The following FRMD4A variants were observed in gnomAD, a reference collection of about 807,000 sequenced individuals.
The protein encoded by FRMD4A is FERM domain containing 4A.
A neutral mutation model predicts 129.1 loss-of-function variants in FRMD4A; 29 were observed. That is an observed-to-expected ratio of 0.22 (90% confidence interval 0.17 to 0.31). The LOEUF (loss-of-function observed/expected upper bound fraction) is 0.31. Ranked by LOEUF, FRMD4A falls within the 10% of genes least tolerant of loss-of-function variation. The probability of loss-of-function intolerance (pLI) is 1.00; values close to 1 mark genes in which losing one functional copy is unlikely to be tolerated. For synonymous variants in FRMD4A, 634 were observed against 571.6 expected, an observed-to-expected ratio of 1.11 and a Z score of -1.56; for missense variants, 1,272 against 1,375.8, an observed-to-expected ratio of 0.92 and a Z score of 1.19.
At chr10:14,068,854 T>TTC (rs1471187816) in intron 2 of FRMD4A, among the ~76,000 whole-genome samples, 1 of 151,580 alleles carries the variant, frequency 6.6e-6, no homozygotes, top group Non-Finnish European at 1.5e-5. Context: ...AGTGAGTTCA[T>TTC]TCTCTCTCTC....
intron 2 of FRMD4A, among the ~76,000 whole-genome samples, chr10:13,926,796 A>G (rs1413813566): frequency 6.6e-6 from 1 of 152,224 alleles, no homozygotes; most frequent in African/African-American, 2.4e-5. Context: ...CAAGACGCCT[A>G]AAAGACCCAC....
intron 17 of FRMD4A, among the ~76,000 whole-genome samples, chr10:13,669,397 C>G (rs2083332983): frequency 6.6e-6 from 1 of 152,190 alleles, no homozygotes; most frequent in Non-Finnish European, 1.5e-5. Context: ...AATTGAAGCA[C>G]ATTGGTGTGT....
intron 2 of FRMD4A, among the ~76,000 whole-genome samples, chr10:14,182,681 G>A (rs1374297692): frequency 6.6e-6 from 1 of 152,182 alleles, no homozygotes; most frequent in East Asian, 1.9e-4. Flanking sequence ...CTTCAAGGTG[G>A]ACACATATGC....
chr10:14,162,650 T>TG (rs1564352709), intron 2 of FRMD4A, among the ~76,000 whole-genome samples: 3 of 150,982 alleles, frequency 2.0e-5, no homozygotes, highest in Admixed American at 1.3e-4. Context: ...TGTTTTTTTT[T>TG]TTTTTTTTTG....
chr10:14,313,532 T>A (rs1429437315), intron 2 of FRMD4A, among the ~76,000 whole-genome samples: 1 of 152,238 alleles, frequency 6.6e-6, no homozygotes, highest in African/African-American at 2.4e-5. Flanking sequence ...ACTGAAATTA[T>A]AATGCTTACG....
At chr10:13,748,904 T>A (rs1381747713) in intron 8 of FRMD4A, among the ~76,000 whole-genome samples, 1 of 152,176 alleles carries the variant, frequency 6.6e-6, no homozygotes, top group East Asian at 1.9e-4. Context: ...TTAGGCAGTT[T>A]TATGCATCCG....
chr10:13,685,986 C>T (rs1267553659), intron 15 of FRMD4A, among the ~76,000 whole-genome samples: 2 of 152,230 alleles, frequency 1.3e-5, no homozygotes, highest in African/African-American at 4.8e-5. Context: ...CTCTGTCTCC[C>T]TCTCAATTTT....
intron 2 of FRMD4A, among the ~76,000 whole-genome samples, chr10:13,883,304 A>G (rs548967806): frequency 2.6e-5 from 4 of 152,100 alleles, no homozygotes; most frequent in African/African-American, 7.2e-5. Context: ...AGCCTGGCCA[A>G]CATGCTGAAA....
chr10:13,669,593 C>G (rs1479660141), intron 17 of FRMD4A, among the ~76,000 whole-genome samples: 1 of 152,224 alleles, frequency 6.6e-6, no homozygotes, highest in African/African-American at 2.4e-5. Context: ...TCCCCTGGCT[C>G]TAAGTCCTGA....
intron 2 of FRMD4A, among the ~76,000 whole-genome samples, chr10:13,915,704 T>G (rs1329034264): frequency 6.7e-6 from 1 of 148,286 alleles, no homozygotes; most frequent in East Asian, 2.0e-4. Context: ...GATTTTGTGG[T>G]GACTGCACAA....
chr10:14,326,186 C>CT (rs771967033), intron 2 of FRMD4A: 1 of 152,084 alleles, frequency 6.6e-6, no homozygotes, highest in Non-Finnish European at 1.5e-5. Flanking sequence ...TGTGGTATCC[C>CT]TTTTTTATTT....
intron 8 of FRMD4A, among the ~76,000 whole-genome samples, chr10:13,761,434 C>T (rs17153946): frequency 1.3e-5 from 2 of 152,190 alleles, no homozygotes. Context: ...AATCTCCGGG[C>T]TTTGCATGTA....
intron 2 of FRMD4A, among the ~76,000 whole-genome samples, chr10:14,186,078 T>A (rs945237254): frequency 6.7e-6 from 1 of 149,958 alleles, no homozygotes; most frequent in Non-Finnish European, 1.5e-5. Context: ...GAAACCATCG[T>A]CCAAAGAGAC....
chr10:14,009,508 A>C (rs2095673711), intron 2 of FRMD4A, among the ~76,000 whole-genome samples: 1 of 152,192 alleles, frequency 6.6e-6, no homozygotes, highest in Non-Finnish European at 1.5e-5. Flanking sequence ...ATTGAAAATG[A>C]CGGAAATGAA....
At chr10:13,983,213 A>C (rs2095568460) in intron 2 of FRMD4A, among the ~76,000 whole-genome samples, 1 of 152,132 alleles carries the variant, frequency 6.6e-6, no homozygotes, top group Admixed American at 6.5e-5. Flanking sequence ...GTCCCATATA[A>C]GTGAAATATT....
At chr10:13,977,115 C>T (rs1191233295) in intron 2 of FRMD4A, among the ~76,000 whole-genome samples, 1 of 152,156 alleles carries the variant, frequency 6.6e-6, no homozygotes, top group Non-Finnish European at 1.5e-5. Context: ...ATAAATAAAT[C>T]CACAAGAGTG....
At chr10:14,220,168 T>C (rs956419271) in intron 2 of FRMD4A, among the ~76,000 whole-genome samples, 2 of 152,150 alleles carry the variant, frequency 1.3e-5, no homozygotes, top group Non-Finnish European at 2.9e-5. Context: ...ATGACGAAAC[T>C]GTTCAGCACT....
At chr10:14,099,544 C>A (rs76226749) in intron 2 of FRMD4A, among the ~76,000 whole-genome samples, 1 of 152,092 alleles carries the variant, frequency 6.6e-6, no homozygotes, top group Non-Finnish European at 1.5e-5. Flanking sequence ...AACTCCTATA[C>A]GAAAGTTGGC....
Position 14,146,074 on chromosome 10 carries a change from A to T in FRMD4A, c.45+183984T>A, listed in dbSNP as rs886488774. Among the ~76,000 whole-genome samples the T allele has an allele frequency of 4.0e-4, 61 of 152,212 alleles. 4 individuals carry two copies. The highest frequency in any genetic ancestry group is 2.9e-5 in the Non-Finnish European group (2 of 68,044). On this transcript the variant is annotated intron_variant, in intron 2 of 24. Coordinates refer to ENST00000357447, the MANE Select transcript of FRMD4A (RefSeq NM_018027.5). ...TCGCTGGCTGTGTGACCTTGAAGAA[A>T]TTACTTAACATCTCTGTGGCTCAAT...
Sources: allele counts gnomAD v4.1 joint callset (sites outside exome capture counted in the v4.1 genomes callset), GRCh38; gene constraint gnomAD v4.1.1; transcripts MANE v1.5; gene names NCBI Gene and HGNC (gene_info 2026-07-23, HGNC 2026-07-21).